CNGB3: variants seen among roughly 807,000 people sequenced by gnomAD.
CNGB3 encodes the protein cyclic nucleotide gated channel subunit beta 3, also known as cyclic nucleotide-gated channel beta-3.
A neutral mutation model predicts 92.8 loss-of-function variants in CNGB3; 86 were observed. That is an observed-to-expected ratio of 0.93 (90% CI 0.78 to 1.11). The LOEUF is 1.11. Ranked by LOEUF, CNGB3 falls within the 50% of genes least tolerant of loss-of-function variation. CNGB3 has a pLI of 0.00. For missense variants in CNGB3, 1,026 were observed against 956.8 expected, an observed-to-expected ratio of 1.07 and a Z score of -0.95; for synonymous variants, 333 against 332.7, an observed-to-expected ratio of 1.00 and a Z score of -0.01.
intron 4 of CNGB3, among the ~76,000 whole-genome samples, chr8:86,670,404 T>G (rs1823832210): frequency 6.6e-6 from 1 of 152,172 alleles, no homozygotes; most frequent in African/African-American, 2.4e-5. Context: ...CCTGCATCTG[T>G]CGGAGGATTT....
chr8:86,736,855 A>G (rs1332582647), intron 2 of CNGB3, among the ~76,000 whole-genome samples: 1 of 152,130 alleles, frequency 6.6e-6, no homozygotes, highest in Non-Finnish European at 1.5e-5. Context: ...ATAGAGTTTT[A>G]GGATTATTAA....
intron 17 of CNGB3, among the ~76,000 whole-genome samples, chr8:86,576,852 T>G (rs1821671095): frequency 6.6e-6 from 1 of 152,254 alleles, no homozygotes; most frequent in Non-Finnish European, 1.5e-5. Context: ...ATTTCTATGC[T>G]GATGCAAATG....
chr8:86,673,320 T>C (rs3758063), intron 3 of CNGB3, among the ~76,000 whole-genome samples: 29,350 of 152,218 alleles, frequency 0.19, 3,548 homozygotes, highest in East Asian at 0.42. Flanking sequence ...AGATAAATGA[T>C]AGACTGTCTT....
chr8:86,701,876 T>C (rs1563760168), intron 3 of CNGB3, among the ~76,000 whole-genome samples: 1 of 152,198 alleles, frequency 6.6e-6, no homozygotes, highest in Non-Finnish European at 1.5e-5. Flanking sequence ...ATTGGGGACT[T>C]AGAAAATACC....
At chr8:86,626,437 T>C (rs1309357861) in intron 12 of CNGB3, among the ~76,000 whole-genome samples, 1 of 152,208 alleles carries the variant, frequency 6.6e-6, no homozygotes, top group Non-Finnish European at 1.5e-5. Context: ...TCTGATTCTA[T>C]TGATTCCAGC....
At chr8:86,681,394 G>A (rs1379113953) in intron 3 of CNGB3, among the ~76,000 whole-genome samples, 1 of 152,188 alleles carries the variant, frequency 6.6e-6, no homozygotes, top group Non-Finnish European at 1.5e-5. Flanking sequence ...CCAGAGTGTA[G>A]CACAGGACAA....
intron 13 of CNGB3, among the ~76,000 whole-genome samples, chr8:86,618,253 C>T (rs894481705): frequency 1.3e-5 from 2 of 152,128 alleles, no homozygotes; most frequent in African/African-American, 2.4e-5. Context: ...CTTTGCTGCC[C>T]GGTTCCCAAC....
At chr8:86,708,912 G>T (rs1439910292) in intron 3 of CNGB3, among the ~76,000 whole-genome samples, 1 of 152,092 alleles carries the variant, frequency 6.6e-6, no homozygotes, top group African/African-American at 2.4e-5. Flanking sequence ...TGGGAGTAGA[G>T]GAAGCAGAAA....
intron 3 of CNGB3, among the ~76,000 whole-genome samples, chr8:86,699,537 A>G (rs193121174): frequency 6.6e-6 from 1 of 152,276 alleles, no homozygotes; most frequent in Admixed American, 6.5e-5. Flanking sequence ...TATAAGTACC[A>G]TTTCCAATGA....
chr8:86,694,419 C>G (rs1013288897), intron 3 of CNGB3, among the ~76,000 whole-genome samples: 1 of 151,332 alleles, frequency 6.6e-6, no homozygotes, highest in African/African-American at 2.4e-5. Flanking sequence ...ACCTCCCTCC[C>G]GGACGGGGTG....
intron 3 of CNGB3, among the ~76,000 whole-genome samples, chr8:86,690,415 T>A (rs577128932): frequency 6.6e-6 from 1 of 152,340 alleles, no homozygotes; most frequent in South Asian, 2.1e-4. Context: ...GGTTGTTTTT[T>A]TCTTGTAAAT....
At chr8:86,675,071 G>A (rs1212133165) in intron 3 of CNGB3, among the ~76,000 whole-genome samples, 10 of 152,092 alleles carry the variant, frequency 6.6e-5, no homozygotes, top group Admixed American at 6.5e-4. Flanking sequence ...CAATTCTGCT[G>A]CCTCAGCCTC....
rs189261599 is a variant in CNGB3, at chr8:86,720,065, A to T, written c.338+6466T>A. Among the ~76,000 whole-genome samples the T allele has an allele frequency of 6.4e-3, 973 of 152,204 alleles. 7 individuals carry two copies. Among genetic ancestry groups the T allele is most frequent in the Middle Eastern group, 0.02 (6 of 294 alleles). ...AATTCTAGACAATAACATCAGAAAA[A>T]CCCTTCTAGACACTGGCCTAGGAAA... On this transcript the variant is annotated intron_variant, in intron 3 of 17. Transcript: ENST00000320005.
At chr8:86,597,080 G>T (rs1822187616) in intron 15 of CNGB3, among the ~76,000 whole-genome samples, 1 of 152,156 alleles carries the variant, frequency 6.6e-6, no homozygotes, top group Non-Finnish European at 1.5e-5. Context: ...ATGTAAATGA[G>T]TTGATGGGTG....
chr8:86,688,699 A>G (rs944118490), intron 3 of CNGB3, among the ~76,000 whole-genome samples: 1 of 151,580 alleles, frequency 6.6e-6, no homozygotes, highest in Non-Finnish European at 1.5e-5. Context: ...TTATTTGGAT[A>G]TATTTTTTTC....
In CNGB3 at chr8:86,667,084, C is replaced by A; in HGVS notation, c.693G>T (p.Trp231Cys). Residue 231 changes from tryptophan to cysteine, a missense_variant, in exon 6 of 18, where the codon TGG (tryptophan) becomes TGT (cysteine). Coordinates refer to ENST00000320005, the MANE Select transcript of CNGB3 (RefSeq NM_019098.5). Reference protein sequence around the residue: ...WLLLVTLAYNWNCCFIPLRLV... With the variant: ...WLLLVTLAYNCNCCFIPLRLV... ...GGCGCAGTGGTATAAAACAGCAGTT[C>A]CAGTTATAGGCAAGAGTGACAAGCA... The A allele has an allele frequency of 6.2e-7, 1 of 1,613,924 alleles. No individual in the cohort carries two copies. The highest frequency in any genetic ancestry group is 8.5e-7 in the Non-Finnish European group (1 of 1,179,936).
At chr8:86,730,453 A>G (rs1825138868) in intron 2 of CNGB3, among the ~76,000 whole-genome samples, 1 of 152,198 alleles carries the variant, frequency 6.6e-6, no homozygotes, top group Non-Finnish European at 1.5e-5. Context: ...TACTTTGGTC[A>G]AATTTCTAGG....
rs1411845737 is a variant in CNGB3, at chr8:86,589,912, T to A, written c.1782-10660A>T. On this transcript the variant is annotated intron_variant, in intron 15 of 17. Transcript: ENST00000320005. ...GTATCCCTGTTGACTTTCTGTCTCG[T>A]TGATCTGTCTAATGTTGACAGTGGG... 7.2e-5 allele frequency among the ~76,000 whole-genome samples: 11 copies of A among 151,764 alleles called. 1 individual carries two copies. Among genetic ancestry groups the A allele is most frequent in the Admixed American group, 2.6e-4 (4 of 15,236 alleles).
At position 86,575,895 on chromosome 8, in the gene CNGB3, G is replaced by A. The variant is rs760554096; in HGVS notation, c.2339C>T (p.Ser780Phe). The A allele has an allele frequency of 6.2e-7, 1 of 1,613,372 alleles. No homozygotes were observed. Among genetic ancestry groups the A allele is most frequent in the South Asian group, 1.1e-5 (1 of 90,770 alleles). ...VRRTVLPRGT[S>F]RQSLIISMAP... ...CATGCTGATAATGAGTGATTGACGA[G>A]AAGTCCCTCTGGGTAAAACTGTCCT... The change falls in exon 18 of 18, where the codon TCT becomes TTT. Residue 780 changes from serine to phenylalanine, a missense_variant. Ser to Phe is a radical substitution (Grantham distance 155, BLOSUM62 -2). Coordinates refer to ENST00000320005, the MANE Select transcript of CNGB3 (RefSeq NM_019098.5).
Sources: allele counts gnomAD v4.1 joint callset (sites outside exome capture counted in the v4.1 genomes callset), GRCh38; gene constraint gnomAD v4.1.1; transcripts MANE v1.5; gene names NCBI Gene and HGNC (gene_info 2026-07-23, HGNC 2026-07-21).